Variants in APBA1 observed in about 807,000 individuals in gnomAD.
The protein encoded by APBA1 is amyloid-beta A4 precursor protein-binding family A member 1.
APBA1 carries 55 observed loss-of-function variants against 86.6 expected under a neutral mutation model. The observed-to-expected ratio is 0.64, with a 90% confidence interval of 0.51 to 0.80. APBA1 has a LOEUF of 0.80. Ranked by LOEUF, APBA1 falls within the 30% of genes least tolerant of loss-of-function variation. The pLI is 0.00. For synonymous variants in APBA1, 511 were observed against 493.9 expected, an observed-to-expected ratio of 1.03 and a Z score of -0.46; for missense variants, 1,090 against 1,183.0, an observed-to-expected ratio of 0.92 and a Z score of 1.15.
At position 69,497,211 on chromosome 9, in the gene APBA1, G is replaced by A. The variant is rs1014718865; in HGVS notation, c.1200+18800C>T. 9.9e-5 allele frequency among the ~76,000 whole-genome samples: 15 copies of A among 151,666 alleles called. 1 individual carries two copies. The highest frequency in any genetic ancestry group is 2.1e-4 in the Non-Finnish European group (14 of 67,966). The stretch of plus-strand genomic sequence containing the variant: ...CTCATCAATAATGGATAACACCTGC[G>A]ATGGAAAACTCCCCCAGCAGCACAA... On this transcript the variant is annotated intron_variant, in intron 2 of 12. Transcript: ENST00000265381.
At chr9:69,634,332 A>G (rs2134001145) in intron 1 of APBA1, among the ~76,000 whole-genome samples, 1 of 152,268 alleles carries the variant, frequency 6.6e-6, no homozygotes, top group African/African-American at 2.4e-5. Flanking sequence ...CCATGGAGGG[A>G]GCATTTAGAC....
chr9:69,432,165 T>G (rs569793559), intron 12 of APBA1, among the ~76,000 whole-genome samples: 2 of 152,348 alleles, frequency 1.3e-5, no homozygotes, highest in African/African-American at 2.4e-5. Flanking sequence ...GCCACTTTGT[T>G]GATTCAACTT....
intron 1 of APBA1, among the ~76,000 whole-genome samples, chr9:69,531,100 A>G (rs1357842022): frequency 6.6e-6 from 1 of 152,190 alleles, no homozygotes; most frequent in Non-Finnish European, 1.5e-5. Context: ...GAAAGTCTAC[A>G]TTCTTTTCTT....
At chr9:69,474,197 TG>T (rs1431933638) in intron 3 of APBA1, 4 of 152,168 alleles carry the variant, frequency 2.6e-5, no homozygotes, top group Admixed American at 2.0e-4. Flanking sequence ...ATTGGACAAC[TG>T]GAACAATGAC....
At chr9:69,648,892 A>G (rs1823441369) in intron 1 of APBA1, among the ~76,000 whole-genome samples, 1 of 152,136 alleles carries the variant, frequency 6.6e-6, no homozygotes, top group African/African-American at 2.4e-5. Flanking sequence ...CCTTAAAGTC[A>G]ATGTCTTATC....
chr9:69,510,208 G>A (rs1836008748), intron 2 of APBA1, among the ~76,000 whole-genome samples: 1 of 150,426 alleles, frequency 6.6e-6, no homozygotes, highest in South Asian at 2.1e-4. Flanking sequence ...AAGCTGATAA[G>A]CAACTTCAGC....
At chr9:69,500,557 G>A (rs1008833059) in intron 2 of APBA1, among the ~76,000 whole-genome samples, 4 of 150,712 alleles carry the variant, frequency 2.7e-5, no homozygotes, top group Admixed American at 2.6e-4. Flanking sequence ...TGCTCTGAGA[G>A]AGATACAGGA....
intron 1 of APBA1, among the ~76,000 whole-genome samples, chr9:69,639,240 G>C (rs1369318825): frequency 6.6e-6 from 1 of 152,142 alleles, no homozygotes; most frequent in Admixed American, 6.5e-5. Flanking sequence ...TTTTAAAAGG[G>C]AGTTGTAATC....
In APBA1 at chr9:69,638,062, A is replaced by G. The variant is rs886066920; in HGVS notation, c.-70+34091T>C. ...TGAGCAGCATTGGCAACCTCTGAAT[A>G]TGGTGTTGTTTCTTTCTTTCAAAAG... On this transcript the variant is annotated intron_variant, in intron 1 of 12. Transcript: ENST00000265381. Among the ~76,000 whole-genome samples the G allele has an allele frequency of 2.0e-5, 3 of 152,372 alleles. 1 individual carries two copies. The highest frequency in any genetic ancestry group is 4.8e-5 in the African/African-American group (2 of 41,588).
intron 1 of APBA1, among the ~76,000 whole-genome samples, chr9:69,582,822 A>G (rs938240196): frequency 1.3e-5 from 2 of 152,236 alleles, no homozygotes; most frequent in African/African-American, 4.8e-5. Flanking sequence ...AGATCCATCA[A>G]GCTGGAAGCT....
chr9:69,486,363 G>T (rs1158285981), intron 2 of APBA1, among the ~76,000 whole-genome samples: 1 of 152,106 alleles, frequency 6.6e-6, no homozygotes, highest in African/African-American at 2.4e-5. Flanking sequence ...GAAGGGAAGA[G>T]AAGCACCACC....
intron 9 of APBA1, among the ~76,000 whole-genome samples, chr9:69,450,528 C>T (rs1294144029): frequency 1.3e-5 from 2 of 152,176 alleles, no homozygotes; most frequent in Non-Finnish European, 2.9e-5. Context: ...ACAAAGTCCC[C>T]TTCACAGGTT....
At chr9:69,439,446 G>A (rs143754693) in intron 11 of APBA1, among the ~76,000 whole-genome samples, 8,564 of 151,964 alleles carry the variant, frequency 0.056, 815 homozygotes, top group African/African-American at 0.19. Flanking sequence ...TTTTCACATA[G>A]TCCCATATTT....
chr9:69,552,714 A>G lies in APBA1; in HGVS notation c.-69-35435T>C, dbSNP rs187248105. ...CTATACTTAAAAAAGTTGAGATCCA[A>G]TTCATTCATGTACAGGAAGCTACCC... On this transcript the variant is annotated intron_variant, in intron 1 of 12. Transcript: ENST00000265381. 1.2e-3 allele frequency among the ~76,000 whole-genome samples: 184 copies of G among 152,304 alleles called. 1 individual carries two copies. The highest frequency in any genetic ancestry group is 2.6e-3 in the Admixed American group (40 of 15,294).
intron 1 of APBA1, among the ~76,000 whole-genome samples, chr9:69,564,503 C>T (rs956203455): frequency 1.3e-5 from 2 of 152,050 alleles, no homozygotes; most frequent in African/African-American, 4.8e-5. Flanking sequence ...CTCCGTATGC[C>T]TTAACTGACA....
At chr9:69,654,112 CAAAAAAAAA>C (rs34666773) in intron 1 of APBA1, among the ~76,000 whole-genome samples, 2 of 60,418 alleles carry the variant, frequency 3.3e-5, no homozygotes, top group Admixed American at 2.0e-4. Context: ...AACTCCATCT[CAAAAAAAAA>C]AAAAAAAAAA....
chr9:69,485,152 C>A (rs966512464), intron 2 of APBA1, among the ~76,000 whole-genome samples: 1 of 151,906 alleles, frequency 6.6e-6, no homozygotes, highest in African/African-American at 2.4e-5. Flanking sequence ...TAGTCTTTGC[C>A]TTTGATGACT....
intron 1 of APBA1, among the ~76,000 whole-genome samples, chr9:69,668,975 C>A (rs1823893252): frequency 6.6e-6 from 1 of 152,192 alleles, no homozygotes; most frequent in South Asian, 2.1e-4. Flanking sequence ...AGCACTTAAT[C>A]ATTTTTCACT....
rs539273656 is a variant in APBA1, at chr9:69,585,302, A to T, written c.-69-68023T>A. On this transcript the variant is annotated intron_variant, in intron 1 of 12. Coordinates refer to ENST00000265381, the MANE Select transcript of APBA1 (RefSeq NM_001163.4). Reference sequence around the variant, plus strand: ...ACTAAAAAAGTTGCTGAACCACAATAATCTGTAAGGTGAGTCAACTTAGCT... The same window carrying T: ...ACTAAAAAAGTTGCTGAACCACAATTATCTGTAAGGTGAGTCAACTTAGCT... Among the ~76,000 whole-genome samples the T allele has an allele frequency of 2.6e-5, 4 of 152,338 alleles. No homozygotes were observed. In the East Asian group the frequency reaches 7.7e-4, roughly 29 times the overall value.
Sources: gnomAD v4.1 joint callset for allele counts (sites outside exome capture counted in the v4.1 genomes callset) on GRCh38, gnomAD v4.1.1 for gene constraint, MANE v1.5 for transcripts, NCBI Gene and HGNC (gene_info 2026-07-23, HGNC 2026-07-21) for gene names.